Variants in SMARCAD1 observed in about 807,000 individuals in gnomAD.
SMARCAD1 encodes SWI/SNF-related matrix-associated actin-dependent regulator of chromatin subfamily A containing DEAD/H box 1.
Under a neutral mutation model 127.1 loss-of-function variants are expected in SMARCAD1, and 25 were observed. That is an observed-to-expected ratio of 0.20 (90% confidence interval 0.14 to 0.27). The LOEUF is 0.27. Among genes scored for constraint, SMARCAD1 ranks in the 10% least tolerant of loss-of-function variants. SMARCAD1 has a pLI of 1.00. For missense variants in SMARCAD1, 807 were observed against 1,206.0 expected, an observed-to-expected ratio of 0.67 and a Z score of 4.90; for synonymous variants, 400 against 396.9, an observed-to-expected ratio of 1.01 and a Z score of -0.09.
rs750745764 is a variant in SMARCAD1 at position 94,234,000 on chromosome 4, G to C, written c.415G>C (p.Ala139Pro). Reference protein sequence around the residue: ...DEESQGLPTMARRNDDISELE... With the variant: ...DEESQGLPTMPRRNDDISELE... ...AGAGTCCCAAGGCCTTCCTACCATG[G>C]CACGTAGAAATGATGATATTTCAGA... Residue 139 changes from alanine to proline, a missense_variant, in exon 4 of 24, where the codon GCA (alanine) becomes CCA (proline). Around this residue, in one of 8 missense-constraint regions of SMARCAD1, gnomAD observed 175 missense variants for 169.5 expected, o/e 1.03. Transcript: ENST00000354268. The C allele has an allele frequency of 3.1e-6, 5 of 1,613,746 alleles. No individual in the cohort carries two copies. Among genetic ancestry groups the C allele is most frequent in the Admixed American group, 1.7e-5 (1 of 59,994 alleles).
intron 22 of SMARCAD1, among the ~76,000 whole-genome samples, chr4:94,284,164 A>AG (rs1754511377): frequency 1.5e-5 from 2 of 131,314 alleles, no homozygotes; most frequent in Non-Finnish European, 3.5e-5. Context: ...TACTAAAAAT[A>AG]CAAAAAAAAA....
chr4:94,274,454 C>G (rs953529288), intron 12 of SMARCAD1, among the ~76,000 whole-genome samples: 19 of 152,022 alleles, frequency 1.2e-4, no homozygotes, highest in African/African-American at 4.6e-4. Flanking sequence ...GTAGCTGGGA[C>G]TACAGGCGCC....
At chr4:94,239,564 T>G (rs1747258640) in intron 5 of SMARCAD1, among the ~76,000 whole-genome samples, 1 of 149,778 alleles carries the variant, frequency 6.7e-6, no homozygotes, top group East Asian at 2.0e-4. Flanking sequence ...CCTGTTGTGT[T>G]TTTTTTTTTT....
chr4:94,280,859 G>A (rs1753910087), intron 20 of SMARCAD1, 79 bp downstream of exon 20: 1 of 1,314,092 alleles, frequency 7.6e-7, no homozygotes, highest in East Asian at 2.3e-5. Context: ...ACACTGACTT[G>A]CTTGAATTAG....
chr4:94,284,898 T>A, intron 22 of SMARCAD1, 62 bp from the exon 23 acceptor site: 1 of 998,922 alleles, frequency 1.0e-6, no homozygotes, highest in Non-Finnish European at 1.6e-6. Flanking sequence ...TTAAATATAG[T>A]TTACATATAT....
intron 3 of SMARCAD1, among the ~76,000 whole-genome samples, chr4:94,230,759 G>C (rs1019003575): frequency 6.6e-6 from 1 of 152,084 alleles, no homozygotes; most frequent in African/African-American, 2.4e-5. Context: ...AAATCTCCTA[G>C]GAAGCATTCA....
At position 94,290,304 on chromosome 4, in the gene SMARCAD1, G is replaced by A. The variant is rs547244591; in HGVS notation, c.*770G>A. On this transcript the variant is annotated 3_prime_UTR_variant, in exon 24 of 24. Coordinates refer to ENST00000354268, the MANE Select transcript of SMARCAD1 (RefSeq NM_020159.5). ...ATGTTTTCATTGATTTCCCTCTCCC[G>A]GCTTTTGCTTCTCTTGAAACTGTTG... The A allele has an allele frequency of 1.2e-4, 54 of 454,258 alleles. No homozygotes were observed. The highest frequency in any genetic ancestry group is 7.0e-4 in the South Asian group (45 of 64,464). The allele number at this position is 454,258 out of a possible 1,614,324, so 28.1% of individuals were successfully genotyped here.
At chr4:94,257,312 C>T (rs1415359913) in intron 9 of SMARCAD1, among the ~76,000 whole-genome samples, 1 of 152,106 alleles carries the variant, frequency 6.6e-6, no homozygotes, top group Middle Eastern at 3.2e-3. Context: ...CAAAGATACC[C>T]ACCATTTAAG....
intron 4 of SMARCAD1, 46 bp from the exon 5 acceptor site, chr4:94,236,906 T>C: frequency 7.0e-7 from 1 of 1,437,742 alleles, no homozygotes; most frequent in Non-Finnish European, 9.8e-7. Context: ...CTGAAATAAT[T>C]CTTAAAGTGC....
At chr4:94,281,222 CTG>C (rs2125999655) in intron 20 of SMARCAD1, among the ~76,000 whole-genome samples, 1 of 152,260 alleles carries the variant, frequency 6.6e-6, no homozygotes, top group Non-Finnish European at 1.5e-5. Flanking sequence ...AGTAATTTAA[CTG>C]TTCTTAAAAT....
intron 6 of SMARCAD1, among the ~76,000 whole-genome samples, chr4:94,246,908 C>G (rs201118788): frequency 2.0e-5 from 3 of 152,198 alleles, no homozygotes; most frequent in Admixed American, 6.5e-5. Context: ...AAAGCAAGTA[C>G]TTGATTGATA....
At chr4:94,216,087 C>G (rs2632422) in intron 2 of SMARCAD1, among the ~76,000 whole-genome samples, 1 of 152,218 alleles carries the variant, frequency 6.6e-6, no homozygotes, top group East Asian at 1.9e-4. Context: ...TCTCAGGGCC[C>G]TATTCCTAGA....
At chr4:94,235,525 A>AT (rs1042755766) in intron 4 of SMARCAD1, among the ~76,000 whole-genome samples, 56 of 151,378 alleles carry the variant, frequency 3.7e-4, no homozygotes, top group African/African-American at 1.1e-3. Flanking sequence ...AATCCACTGG[A>AT]TTTTTTTCCA....
At chr4:94,209,641 A>G (rs1037298734) in intron 2 of SMARCAD1, among the ~76,000 whole-genome samples, 5 of 152,240 alleles carry the variant, frequency 3.3e-5, no homozygotes, top group Non-Finnish European at 7.3e-5. Flanking sequence ...AGTTATCATT[A>G]GAATAACATT....
chr4:94,243,749 C>T (rs1747967324), intron 6 of SMARCAD1, among the ~76,000 whole-genome samples: 1 of 152,128 alleles, frequency 6.6e-6, no homozygotes, highest in South Asian at 2.1e-4. Flanking sequence ...TTCCAGTATC[C>T]ACTGGCTGCC....
rs751120943 is a variant in SMARCAD1, at chr4:94,291,184, ATTG to A, written c.*1662_*1664del. The stretch of plus-strand genomic sequence containing the variant: ...ATAGGCTGTTTCTTTTTTTGTTGTT[ATTG>A]TTGTTGTTGTTATATCCATACTTTT... On this transcript the variant is annotated 3_prime_UTR_variant, in exon 24 of 24. Transcript: ENST00000354268. 9.6e-4 allele frequency: 429 copies of A among 446,022 alleles called. 8 individuals carry two copies. Among genetic ancestry groups the A allele is most frequent in the South Asian group, 4.2e-3 (267 of 64,256 alleles). The allele number at this position is 446,022 out of a possible 1,614,324, so 27.6% of individuals were successfully genotyped here.
chr4:94,218,922 A>G (rs1008464406), intron 2 of SMARCAD1, among the ~76,000 whole-genome samples: 2 of 151,718 alleles, frequency 1.3e-5, no homozygotes, highest in Non-Finnish European at 2.9e-5. Flanking sequence ...AGCAATTCTC[A>G]TGCCTCAGCC....
At chr4:94,266,751 A>T (rs541156696) in intron 10 of SMARCAD1, among the ~76,000 whole-genome samples, 1 of 152,234 alleles carries the variant, frequency 6.6e-6, no homozygotes, top group African/African-American at 2.4e-5. Flanking sequence ...TAAACAGAAC[A>T]AGTTCTTCAT....
chr4:94,217,330 CAT>C (rs1743352812), intron 2 of SMARCAD1, among the ~76,000 whole-genome samples: 1 of 151,924 alleles, frequency 6.6e-6, no homozygotes, highest in Non-Finnish European at 1.5e-5. Context: ...CTAAAATTCC[CAT>C]GTTTGTTTGC....
Sources: allele counts gnomAD v4.1 joint callset (sites outside exome capture counted in the v4.1 genomes callset), GRCh38; gene constraint gnomAD v4.1.1; regional missense constraint gnomAD v4.1.1; transcripts MANE v1.5; gene names NCBI Gene and HGNC (gene_info 2026-07-23, HGNC 2026-07-21).